QRSL1: variants seen among roughly 807,000 people sequenced by gnomAD.
QRSL1 encodes the protein glutamyl-tRNA(Gln) amidotransferase subunit A, mitochondrial.
Under a neutral mutation model 61.6 loss-of-function variants are expected in QRSL1, and 54 were observed. The observed-to-expected ratio is 0.88, with a 90% CI of 0.70 to 1.10. The LOEUF (loss-of-function observed/expected upper bound fraction) is 1.10, where lower values mean the gene tolerates loss of function less well. Ranked by LOEUF, QRSL1 falls within the 50% of genes least tolerant of loss-of-function variation. The pLI is 0.00. For missense variants in QRSL1, 505 were observed against 622.6 expected (o/e 0.81, Z 2.01); for synonymous variants, 228 against 225.7 (o/e 1.01, Z -0.09).
intron 4 of QRSL1, among the ~76,000 whole-genome samples, chr6:106,644,224 C>T (rs754255813): frequency 6.6e-6 from 1 of 152,178 alleles, no homozygotes; most frequent in Non-Finnish European, 1.5e-5. Flanking sequence ...CAGGGTCTCA[C>T]TGGGTTTCCC....
At chr6:106,662,766 A>G (rs1017021634) in intron 9 of QRSL1, among the ~76,000 whole-genome samples, 12 of 152,150 alleles carry the variant, frequency 7.9e-5, no homozygotes, top group African/African-American at 1.9e-4. Context: ...ACTTTCCCCT[A>G]TGGCGTCTAT....
intron 2 of QRSL1, 135 bp downstream of exon 2, chr6:106,640,643 A>G (rs1017885112): frequency 4.0e-6 from 4 of 988,920 alleles, no homozygotes; most frequent in Non-Finnish European, 5.9e-6. Context: ...GAGGATAATA[A>G]AAATGAGGGT....
chr6:106,646,901 G>A (rs1367995640), intron 4 of QRSL1, among the ~76,000 whole-genome samples: 1 of 151,624 alleles, frequency 6.6e-6, no homozygotes, highest in South Asian at 2.1e-4. Context: ...GGTGGCGAGC[G>A]CCTGTAGTCC....
At chr6:106,639,130 T>G (rs1232401439) in intron 1 of QRSL1, among the ~76,000 whole-genome samples, 13 of 140,046 alleles carry the variant, frequency 9.3e-5, no homozygotes, top group African/African-American at 3.6e-4. Flanking sequence ...TTTTTTTTTT[T>G]TTTTTTTTTT....
intron 4 of QRSL1, among the ~76,000 whole-genome samples, chr6:106,647,210 A>G (rs993822394): frequency 2.6e-5 from 4 of 152,150 alleles, no homozygotes; most frequent in African/African-American, 7.2e-5. Flanking sequence ...TCACACCTCA[A>G]TAAGAAAACA....
chr6:106,635,907 C>T (rs1167681554), intron 1 of QRSL1, among the ~76,000 whole-genome samples: 3 of 151,768 alleles, frequency 2.0e-5, no homozygotes, highest in Non-Finnish European at 4.4e-5. Context: ...CCTAAGTGTA[C>T]CTCTAATGCT....
At chr6:106,636,318 C>CTTTT (rs869032477) in intron 1 of QRSL1, among the ~76,000 whole-genome samples, 2 of 131,804 alleles carry the variant, frequency 1.5e-5, no homozygotes, top group African/African-American at 2.8e-5. Context: ...AGCTCTGCTA[C>CTTTT]TTTTTTTTTT....
At chr6:106,661,747 A>G (rs1270341694) in intron 9 of QRSL1, among the ~76,000 whole-genome samples, 1 of 113,884 alleles carries the variant, frequency 8.8e-6, no homozygotes, top group Non-Finnish European at 1.6e-5. Flanking sequence ...TCTTGTTTCC[A>G]GCTCTCCACG....
At chr6:106,647,852 G>A (rs1217983160) in intron 4 of QRSL1, among the ~76,000 whole-genome samples, 2 of 149,150 alleles carry the variant, frequency 1.3e-5, no homozygotes, top group East Asian at 2.1e-4. Context: ...GGGTTTCACC[G>A]TGTTATCCAG....
At chr6:106,665,278 A>C (rs534022613) in intron 10 of QRSL1, among the ~76,000 whole-genome samples, 2 of 152,328 alleles carry the variant, frequency 1.3e-5, no homozygotes, top group South Asian at 4.1e-4. Context: ...AAACTGAACA[A>C]CACACTCTGT....
intron 1 of QRSL1, 40 bp from the exon 2 acceptor site, chr6:106,640,309 G>A: frequency 6.9e-7 from 1 of 1,445,620 alleles, no homozygotes; most frequent in East Asian, 2.4e-5. Context: ...TGAAACTTCT[G>A]CAGACTCAGT....
intron 9 of QRSL1, among the ~76,000 whole-genome samples, chr6:106,657,224 G>A (rs908498288): frequency 3.6e-4 from 55 of 151,774 alleles, no homozygotes; most frequent in African/African-American, 1.3e-3. Flanking sequence ...AGCCAAGATC[G>A]TGCCACTGCA....
rs137946043 is a variant in QRSL1 at position 106,634,887 on chromosome 6, A to G, written c.24+5182A>G. 3.4e-3 allele frequency among the ~76,000 whole-genome samples: 511 copies of G among 152,236 alleles called. 5 individuals carry two copies. Among genetic ancestry groups the G allele is most frequent in the African/African-American group, 0.012 (480 of 41,524 alleles). On this transcript the variant is annotated intron_variant, in intron 1 of 10. Transcript: ENST00000369046. ...GATGTTTTGGATATGGGGTTTGAGG[A>G]AAAGAGAAGAATCAAGGAGGATACT... is the stretch of plus-strand genomic sequence containing the variant.
At chr6:106,646,199 A>T (rs74607201) in intron 4 of QRSL1, among the ~76,000 whole-genome samples, 4,935 of 152,288 alleles carry the variant, frequency 0.032, 274 homozygotes, top group East Asian at 0.19. Context: ...GAACTAATCC[A>T]TGAGAGTATA....
intron 9 of QRSL1, among the ~76,000 whole-genome samples, chr6:106,661,625 C>G (rs1777356335): frequency 6.9e-6 from 1 of 145,330 alleles, no homozygotes; most frequent in African/African-American, 2.5e-5. Flanking sequence ...CTCAGTAAAA[C>G]TGGAGCAGGT....
At chr6:106,634,707 A>G (rs1201620927) in intron 1 of QRSL1, among the ~76,000 whole-genome samples, 1 of 152,032 alleles carries the variant, frequency 6.6e-6, no homozygotes, top group Non-Finnish European at 1.5e-5. Context: ...TTGAGGCTGC[A>G]GTGAGGCGAG....
At chr6:106,652,117 A>C in intron 5 of QRSL1, 92 bp from the exon 6 acceptor site, 1 of 1,276,008 alleles carries the variant, frequency 7.8e-7, no homozygotes, top group Non-Finnish European at 1.1e-6. Flanking sequence ...TCAGAGGAAA[A>C]TACAGTTTAA....
intron 4 of QRSL1, among the ~76,000 whole-genome samples, chr6:106,643,680 C>CAA (rs112408577): frequency 2.7e-5 from 3 of 112,694 alleles, no homozygotes; most frequent in Non-Finnish European, 3.8e-5. Flanking sequence ...AACTCTGTCT[C>CAA]AAAAAAAAAA....
At chr6:106,633,864 T>TG (rs958545472) in intron 1 of QRSL1, among the ~76,000 whole-genome samples, 2 of 151,952 alleles carry the variant, frequency 1.3e-5, no homozygotes, top group African/African-American at 4.8e-5. Context: ...TTCCAAGTAC[T>TG]GGGGGGTAGC....
Sources: allele counts gnomAD v4.1 joint callset (sites outside exome capture counted in the v4.1 genomes callset), GRCh38; gene constraint gnomAD v4.1.1; transcripts MANE v1.5; gene names NCBI Gene and HGNC (gene_info 2026-07-23, HGNC 2026-07-21).